STEAP3: variants seen among roughly 807,000 people sequenced by gnomAD.
STEAP3 encodes STEAP3 metalloreductase.
A neutral mutation model predicts 34.9 loss-of-function variants in STEAP3; 35 were observed. That is an observed-to-expected ratio of 1.00 (90% CI 0.76 to 1.33). The LOEUF is 1.33. Among genes scored for constraint, STEAP3 ranks in the 40% most tolerant of loss-of-function variants. The pLI is 0.00. For synonymous variants in STEAP3, 281 were observed against 301.6 expected (o/e 0.93, Z 0.71); for missense variants, 652 against 667.6 (o/e 0.98, Z 0.26).
At position 119,265,243 on chromosome 2, in the gene STEAP3, A is replaced by G. The variant is rs536042681; in HGVS notation, c.*1905A>G. 6.6e-6 allele frequency: 1 copy of G among 152,366 alleles called. No homozygotes were observed. Among genetic ancestry groups the G allele is most frequent in the African/African-American group, 2.4e-5 (1 of 41,582 alleles). 9.4% of individuals were successfully genotyped at this position (152,366 alleles called of 1,614,324 possible). On this transcript the variant is annotated 3_prime_UTR_variant, in exon 6 of 6. Transcript: ENST00000393110. Reference sequence around the variant, plus strand: ...CCTTATACCAAAGATGCTGGCACATAGCAGAACCCAGTGCACGTCCTCCCC... The same window carrying G: ...CCTTATACCAAAGATGCTGGCACATGGCAGAACCCAGTGCACGTCCTCCCC...
At chr2:119,242,275 T>C (rs76965351) in intron 2 of STEAP3, among the ~76,000 whole-genome samples, 2,110 of 152,270 alleles carry the variant, frequency 0.014, 62 homozygotes, top group African/African-American at 0.048. Flanking sequence ...TCTGGGGGCC[T>C]CAGGCTGGCT....
chr2:119,239,455 A>T (rs1170003446), intron 2 of STEAP3: 1 of 152,138 alleles, frequency 6.6e-6, no homozygotes, highest in Non-Finnish European at 1.5e-5. Context: ...TTTAGTAGAG[A>T]TGGGGTATCA....
intron 4 of STEAP3, chr2:119,248,869 A>C (rs1215045636): frequency 1.3e-5 from 2 of 152,452 alleles, no homozygotes; most frequent in African/African-American, 4.8e-5. Flanking sequence ...AGACTGTAGG[A>C]GGTCAAAGGC....
chr2:119,230,965 G>A lies in STEAP3; in HGVS notation c.-48G>A, dbSNP rs777089159. The A allele has an allele frequency of 5.6e-6, 9 of 1,614,024 alleles. No homozygotes were observed. The Admixed American group carries it at 1.2e-4, about 21-fold the overall frequency. ...GCCAGAAAGGGTGGCTCACCTCACG[G>A]TGAGGCTGTCGAGTGACCTGAGAGC... is the stretch of plus-strand genomic sequence containing the variant. On this transcript the variant is annotated 5_prime_UTR_variant, in exon 2 of 6. The change creates a new upstream start codon in the 5' untranslated region. Coordinates refer to ENST00000393110, the MANE Select transcript of STEAP3 (RefSeq NM_182915.3).
chr2:119,231,956 C>G (rs1676954517), intron 2 of STEAP3, among the ~76,000 whole-genome samples: 1 of 152,114 alleles, frequency 6.6e-6, no homozygotes, highest in Admixed American at 6.5e-5. Flanking sequence ...GGTGGGATAG[C>G]AAAAGGGACC....
At chr2:119,232,481 G>C (rs989040859) in intron 2 of STEAP3, among the ~76,000 whole-genome samples, 1 of 152,216 alleles carries the variant, frequency 6.6e-6, no homozygotes, top group Non-Finnish European at 1.5e-5. Context: ...GCATTTGTTA[G>C]GTGCTGGGAT....
At chr2:119,231,638 G>T (rs184054445) in intron 2 of STEAP3, among the ~76,000 whole-genome samples, 1 of 152,092 alleles carries the variant, frequency 6.6e-6, no homozygotes, top group Non-Finnish European at 1.5e-5. Context: ...TTGCGCGCAC[G>T]TGTATTTCTG....
chr2:119,262,770 A>G (rs1026692683), intron 5 of STEAP3, among the ~76,000 whole-genome samples: 1 of 152,216 alleles, frequency 6.6e-6, no homozygotes, highest in Non-Finnish European at 1.5e-5. Context: ...AGGAAAAAGC[A>G]TGGTCATATA....
intron 4 of STEAP3, among the ~76,000 whole-genome samples, chr2:119,254,090 G>A (rs2104837700): frequency 6.6e-6 from 1 of 152,196 alleles, no homozygotes; most frequent in African/African-American, 2.4e-5. Flanking sequence ...TATGTCCTGA[G>A]TGTGAGCCAG....
chr2:119,246,206 G>A (rs975565926), intron 3 of STEAP3: 6 of 621,388 alleles, frequency 9.7e-6, no homozygotes, highest in Non-Finnish European at 1.6e-5. Flanking sequence ...CAGTTCCTAT[G>A]GATCTGAAAC....
At chr2:119,257,681 C>G in intron 5 of STEAP3, 1 of 1,416,012 alleles carries the variant, frequency 7.1e-7, no homozygotes, top group Non-Finnish European at 9.2e-7. Context: ...GGCATGCTGG[C>G]TTTTGAGGTA....
At chr2:119,239,095 G>A (rs1329386313) in intron 2 of STEAP3, among the ~76,000 whole-genome samples, 1 of 152,114 alleles carries the variant, frequency 6.6e-6, no homozygotes. Flanking sequence ...ATGCCCTTGA[G>A]GGAAAATCGG....
At chr2:119,254,569 C>T (rs576538640) in intron 4 of STEAP3, 115 bp from the exon 5 acceptor site, 105 of 1,128,552 alleles carry the variant, frequency 9.3e-5, no homozygotes, top group Admixed American at 8.1e-4. Flanking sequence ...AGCCAGGTAG[C>T]GTCAGGTGCA....
In STEAP3 at chr2:119,235,543, A is replaced by G. The variant is rs1333543325; in HGVS notation, c.22+4509A>G. 2.6e-5 allele frequency among the ~76,000 whole-genome samples: 4 copies of G among 152,342 alleles called. No individual in the cohort carries two copies. In the East Asian group the frequency reaches 7.7e-4, roughly 29 times the overall value. On this transcript the variant is annotated intron_variant, in intron 2 of 5. Transcript: ENST00000393110. ...AAAGTGTGGTCCCCACACCAGCAGC[A>G]CCAGCAATTCTGGATGTGGAGCCCA...
At position 119,248,032 on chromosome 2, in the gene STEAP3, G is replaced by A. The variant is rs780538607; in HGVS notation, c.876G>A (p.Leu292=). Residue 292 remains leucine, a synonymous_variant, in exon 4 of 6, where the codon CTG becomes CTA. Transcript: ENST00000393110. ...GCGTGCTGGCGGCTGCCCTGCAGCTGCGGCGCGGCACCAAGTACCAGCGCT... is the reference window on the plus strand; with the variant it reads ...GCGTGCTGGCGGCTGCCCTGCAGCTACGGCGCGGCACCAAGTACCAGCGCT... ...LPGVLAAALQ[L]RRGTKYQRFP... 1 of 1,609,600 alleles carries A rather than the reference G, an allele frequency of 6.2e-7. No homozygotes were observed. The highest frequency in any genetic ancestry group is 2.2e-5 in the East Asian group (1 of 44,868).
At chr2:119,262,919 G>C in intron 5 of STEAP3, 138 bp from the exon 6 acceptor site, 3 of 1,104,132 alleles carry the variant, frequency 2.7e-6, no homozygotes, top group Non-Finnish European at 3.9e-6. Flanking sequence ...AGAGTGACAG[G>C]ACTGGGGTTC....
At chr2:119,239,721 C>T (rs746546145) in intron 2 of STEAP3, among the ~76,000 whole-genome samples, 1 of 152,176 alleles carries the variant, frequency 6.6e-6, no homozygotes, top group Non-Finnish European at 1.5e-5. Context: ...CCCCGCTGTC[C>T]GAAGTCAGTA....
In STEAP3 at chr2:119,245,950, T is replaced by TG. The variant is rs774184825; in HGVS notation, c.486dup (p.Thr163AspfsTer10). Reference sequence around the variant, plus strand: ...CAAGGCCTTCAATGTCATCTCTGCCTGGACCCTGCAGGCTGGCCCAAGGGA... The same window carrying TG: ...CAAGGCCTTCAATGTCATCTCTGCCTGGGACCCTGCAGGCTGGCCCAAGGGA... On this transcript the variant is annotated frameshift_variant, in exon 3 of 6. Coordinates refer to ENST00000393110, the MANE Select transcript of STEAP3 (RefSeq NM_182915.3). LOFTEE classifies it high-confidence loss of function. 2.5e-6 allele frequency: 4 copies of TG among 1,613,770 alleles called. No individual in the cohort carries two copies. The East Asian group carries it at 6.7e-5, about 27-fold the overall frequency.
intron 2 of STEAP3, among the ~76,000 whole-genome samples, chr2:119,232,413 G>A (rs186906708): frequency 1.8e-4 from 27 of 152,306 alleles, no homozygotes; most frequent in African/African-American, 5.8e-4. Context: ...CCCCGACTTC[G>A]CCTCGCTGGC....
Sources: gnomAD v4.1 joint callset for allele counts (sites outside exome capture counted in the v4.1 genomes callset) on GRCh38, gnomAD v4.1.1 for gene constraint, MANE v1.5 for transcripts, NCBI Gene and HGNC (gene_info 2026-07-23, HGNC 2026-07-21) for gene names.